The following GREM2 variants were observed in gnomAD, a reference collection of about 807,000 sequenced individuals.
GREM2 encodes gremlin-2.
GREM2 carries 11 observed loss-of-function variants against 14.2 expected under a neutral mutation model. That is an observed-to-expected ratio of 0.78 (90% CI 0.49 to 1.28). GREM2 has a LOEUF of 1.28. Among genes scored for constraint, GREM2 ranks in the 50% most tolerant of loss-of-function variants. GREM2 has a pLI of 0.00. For missense variants in GREM2, 210 were observed against 218.5 expected, an observed-to-expected ratio of 0.96 and a Z score of 0.24; for synonymous variants, 98 against 97.6, an observed-to-expected ratio of 1.00 and a Z score of -0.02.
rs1387105187 is a variant in GREM2, at chr1:240,491,191, C to G, written c.*1778G>C. ...AGATAGATTCACCAACCCACCCCAC[C>G]CCAATCCTTGCTCTTCAAGTGAATG... On this transcript the variant is annotated 3_prime_UTR_variant, in exon 2 of 2. Transcript: ENST00000318160. The G allele has an allele frequency of 6.6e-6, 1 of 152,218 alleles. No homozygotes were observed. Among genetic ancestry groups the G allele is most frequent in the East Asian group, 1.9e-4 (1 of 5,198 alleles). 9.4% of individuals were successfully genotyped at this position (152,218 alleles called of 1,614,324 possible). A position where few individuals can be genotyped will look rare whatever the true frequency, so the allele number is the denominator to read the frequency against.
At chr1:240,563,524 A>G (rs769498858) in intron 1 of GREM2, among the ~76,000 whole-genome samples, 3 of 152,234 alleles carry the variant, frequency 2.0e-5, no homozygotes, top group Non-Finnish European at 2.9e-5. Flanking sequence ...CCCAGCTATT[A>G]ATCCAGGCAT....
At chr1:240,545,340 C>A (rs1337297606) in intron 1 of GREM2, among the ~76,000 whole-genome samples, 1 of 152,222 alleles carries the variant, frequency 6.6e-6, no homozygotes, top group Admixed American at 6.5e-5. Context: ...CCAGGGAGGG[C>A]ATGGAAGCTC....
intron 1 of GREM2, among the ~76,000 whole-genome samples, chr1:240,594,851 T>A (rs1325462509): frequency 6.6e-6 from 1 of 152,146 alleles, no homozygotes; most frequent in Non-Finnish European, 1.5e-5. Context: ...CTTGCCTATA[T>A]GGTATAGCCT....
chr1:240,529,239 C>CTTTT (rs36061225), intron 1 of GREM2, among the ~76,000 whole-genome samples: 5 of 96,078 alleles, frequency 5.2e-5, no homozygotes, highest in South Asian at 4.2e-4. Context: ...AGTGGATAGG[C>CTTTT]TTTTTTTTTT....
intron 1 of GREM2, among the ~76,000 whole-genome samples, chr1:240,525,571 C>G (rs867778640): frequency 6.6e-6 from 1 of 151,994 alleles, no homozygotes; most frequent in Non-Finnish European, 1.5e-5. Flanking sequence ...CTCCGCCTCC[C>G]GGGTTCAAGC....
At chr1:240,514,682 T>C (rs1040760836) in intron 1 of GREM2, among the ~76,000 whole-genome samples, 14 of 152,164 alleles carry the variant, frequency 9.2e-5, no homozygotes, top group African/African-American at 1.2e-4. Context: ...GAGGATTGCA[T>C]GAGGCCAGCA....
rs796133371 is a variant in GREM2 at position 240,599,277 on chromosome 1, A to AG, written c.-2+12606_-2+12607insC. On this transcript the variant is annotated intron_variant, in intron 1 of 1. Coordinates refer to ENST00000318160, the MANE Select transcript of GREM2 (RefSeq NM_022469.4). ...AGTGAGACTCTGTCTCAAAAAAAAAAAAAAAATACAACAACAGTAAGTGAG... is the reference window on the plus strand; with the variant it reads ...AGTGAGACTCTGTCTCAAAAAAAAAAGAAAAAATACAACAACAGTAAGTGAG... 7.1e-3 allele frequency among the ~76,000 whole-genome samples: 1,078 copies of AG among 151,866 alleles called. 7 individuals carry two copies. The highest frequency in any genetic ancestry group is 0.025 in the African/African-American group (1,034 of 41,382).
intron 1 of GREM2, among the ~76,000 whole-genome samples, chr1:240,536,040 T>C (rs1678463355): frequency 6.7e-6 from 1 of 148,794 alleles, no homozygotes; most frequent in African/African-American, 2.5e-5. Flanking sequence ...GGAGCAGGTG[T>C]CACAGAAGCC....
At chr1:240,535,778 G>T (rs547215649) in intron 1 of GREM2, among the ~76,000 whole-genome samples, 1 of 123,792 alleles carries the variant, frequency 8.1e-6, no homozygotes, top group African/African-American at 3.2e-5. Flanking sequence ...CAGCCTAGAT[G>T]ATAAAGGGAG....
rs1307736583 is a variant in GREM2, at chr1:240,492,177, G to A, written c.*792C>T. ...CACTTATAAAACCAGCGTTAATATA[G>A]AGACCTTTGTGTGTGATAATATTCT... is the stretch of plus-strand genomic sequence containing the variant. On this transcript the variant is annotated 3_prime_UTR_variant, in exon 2 of 2. Transcript: ENST00000318160. 4.5e-6 allele frequency: 2 copies of A among 449,006 alleles called. No individual in the cohort carries two copies. Among genetic ancestry groups the A allele is most frequent in the South Asian group, 1.6e-5 (1 of 63,882 alleles). The allele number at this position is 449,006 out of a possible 1,614,324, so 27.8% of individuals were successfully genotyped here.
intron 1 of GREM2, among the ~76,000 whole-genome samples, chr1:240,552,812 C>A (rs1226095843): frequency 6.6e-6 from 1 of 152,172 alleles, no homozygotes; most frequent in Non-Finnish European, 1.5e-5. Flanking sequence ...GTTTTTGAAA[C>A]ATGCTGTAAG....
intron 1 of GREM2, among the ~76,000 whole-genome samples, chr1:240,586,718 G>A (rs750606710): frequency 9.9e-5 from 15 of 152,102 alleles, no homozygotes; most frequent in South Asian, 4.1e-4. Context: ...CTGGTACCTC[G>A]GTTACTTCCT....
At chr1:240,545,566 G>C (rs915078656) in intron 1 of GREM2, among the ~76,000 whole-genome samples, 2 of 126,216 alleles carry the variant, frequency 1.6e-5, no homozygotes, top group Non-Finnish European at 3.3e-5. Flanking sequence ...GACAACATAG[G>C]ACTTAATGCT....
rs1678573252 is a variant in GREM2 at position 240,540,880 on chromosome 1, A to T, written c.-1-47404T>A. The stretch of plus-strand genomic sequence containing the variant: ...CAGGCCGCATAATACTTCTTAAAAG[A>T]AGACAGTTACTAAGGAGAGAGATGG... On this transcript the variant is annotated intron_variant, in intron 1 of 1. Coordinates refer to ENST00000318160, the MANE Select transcript of GREM2 (RefSeq NM_022469.4). The surrounding 1 kb of genome is among the most constrained non-coding windows in gnomAD (Gnocchi z 4.2). 6.6e-6 allele frequency among the ~76,000 whole-genome samples: 1 copy of T among 152,222 alleles called. No homozygotes were observed. Among genetic ancestry groups the T allele is most frequent in the Admixed American group, 6.5e-5 (1 of 15,286 alleles).
chr1:240,555,426 A>C (rs10926298), intron 1 of GREM2, among the ~76,000 whole-genome samples: 43,104 of 152,116 alleles, frequency 0.28, 6,464 homozygotes, highest in East Asian at 0.42. Flanking sequence ...ATTAGCTACG[A>C]TTATTGGCAA....
At chr1:240,596,810 C>T (rs780017934) in intron 1 of GREM2, among the ~76,000 whole-genome samples, 3 of 152,150 alleles carry the variant, frequency 2.0e-5, no homozygotes, top group Middle Eastern at 6.8e-3. Flanking sequence ...ATTCAGCTGC[C>T]GTTAGTCACG....
Position 240,561,758 on chromosome 1 carries a change from C to T in GREM2, c.-2+50126G>A, listed in dbSNP as rs542508765. 2.4e-4 allele frequency among the ~76,000 whole-genome samples: 36 copies of T among 151,130 alleles called. No individual in the cohort carries two copies. In the South Asian group the frequency reaches 7.1e-3, roughly 30 times the overall value. On this transcript the variant is annotated intron_variant, in intron 1 of 1. Transcript: ENST00000318160. ...CATAGGAACTGTGAAATGGAAATATCTATTGTCTACTTATTATTTGCCAGA... is the reference window on the plus strand; with the variant it reads ...CATAGGAACTGTGAAATGGAAATATTTATTGTCTACTTATTATTTGCCAGA...
chr1:240,582,897 A>G (rs1177255921), intron 1 of GREM2, among the ~76,000 whole-genome samples: 1 of 85,332 alleles, frequency 1.2e-5, no homozygotes, highest in Non-Finnish European at 2.3e-5. Flanking sequence ...CAAAAGACAA[A>G]CAAAGTATAG....
At position 240,535,590 on chromosome 1, in the gene GREM2, A is replaced by C. The variant is rs1342803488; in HGVS notation, c.-1-42114T>G. 2.0e-5 allele frequency among the ~76,000 whole-genome samples: 3 copies of C among 152,244 alleles called. No individual in the cohort carries two copies. The East Asian group carries it at 5.8e-4, about 29-fold the overall frequency. On this transcript the variant is annotated intron_variant, in intron 1 of 1. Coordinates refer to ENST00000318160, the MANE Select transcript of GREM2 (RefSeq NM_022469.4). Reference sequence around the variant, plus strand: ...CGAGGCAGGGGGATCACTTGAGGTCAGGAGTTTGAGACCAACCTGGCCAAC... The same window carrying C: ...CGAGGCAGGGGGATCACTTGAGGTCCGGAGTTTGAGACCAACCTGGCCAAC...
Sources: gnomAD v4.1 joint callset for allele counts (sites outside exome capture counted in the v4.1 genomes callset) on GRCh38, gnomAD v4.1.1 for gene constraint, Gnocchi (gnomAD v3.1) non-coding constraint, MANE v1.5 for transcripts, NCBI Gene and HGNC (gene_info 2026-07-23, HGNC 2026-07-21) for gene names.